Variants in SH3D19 observed in about 807,000 individuals in gnomAD.
SH3D19 encodes the protein SH3 domain containing 19.
Under a neutral mutation model 112.1 loss-of-function variants are expected in SH3D19, and 58 were observed. The ratio of observed to expected loss-of-function variants is 0.52; its 90% CI spans 0.42 to 0.64. The LOEUF (loss-of-function observed/expected upper bound fraction) is 0.64. Ranked by LOEUF, SH3D19 falls within the 30% of genes least tolerant of loss-of-function variation. SH3D19 has a pLI of 0.00. For missense variants in SH3D19, 1,090 were observed against 1,263.4 expected (o/e 0.86, Z 2.08); for synonymous variants, 391 against 448.5 (o/e 0.87, Z 1.62).
chr4:151,135,326 T>C (rs553585827), intron 14 of SH3D19, among the ~76,000 whole-genome samples, 194 bp from the exon 15 acceptor site: 1 of 151,946 alleles, frequency 6.6e-6, no homozygotes, highest in Admixed American at 6.6e-5. Flanking sequence ...GTGTAACTTG[T>C]GAAGTAGCCT....
At chr4:151,283,210 TGC>T in intron 1 of SH3D19, 1 of 1,613,900 alleles carries the variant, frequency 6.2e-7, no homozygotes, top group Non-Finnish European at 8.5e-7. Context: ...GGTATCTTCT[TGC>T]CAGCACTGGA....
intron 9 of SH3D19, among the ~76,000 whole-genome samples, chr4:151,158,337 C>T (rs769873746): frequency 7.2e-5 from 11 of 152,002 alleles, no homozygotes; most frequent in Admixed American, 3.9e-4. Context: ...CTCACTCTGT[C>T]GCCCCAGGCT....
At chr4:151,316,957 A>G (rs1730048220) in intron 1 of SH3D19, among the ~76,000 whole-genome samples, 1 of 151,758 alleles carries the variant, frequency 6.6e-6, no homozygotes, top group Non-Finnish European at 1.5e-5. Flanking sequence ...TTGATAGTAG[A>G]ATTTCCCTCA....
At position 151,160,187 on chromosome 4, in the gene SH3D19, C is replaced by T. The variant is rs192502860; in HGVS notation, c.1643-835G>A. Among the ~76,000 whole-genome samples, 521 of 151,570 alleles carry T rather than the reference C, an allele frequency of 3.4e-3. 5 individuals are homozygous for T. Among genetic ancestry groups the T allele is most frequent in the African/African-American group, 0.012 (487 of 41,276 alleles). On this transcript the variant is annotated intron_variant, in intron 8 of 19. Coordinates refer to ENST00000604030, the MANE Select transcript of SH3D19 (RefSeq NM_001378122.1). The stretch of plus-strand genomic sequence containing the variant: ...CTGTAAGCTCCGCCTCCTGAGTTCA[C>T]GCCATTCTCCTGCCTCAGCTTCCGG...
Position 151,325,331 on chromosome 4 carries a change from C to T in SH3D19, c.22G>A (p.Glu8Lys). 1.6e-6 allele frequency: 2 copies of T among 1,215,970 alleles called. No homozygotes were observed. The highest frequency in any genetic ancestry group is 3.2e-4 in the Middle Eastern group (1 of 3,106). The allele number at this position is 1,215,970 out of a possible 1,614,324, so 75.3% of individuals were successfully genotyped here. A position where few individuals can be genotyped will look rare whatever the true frequency, so the allele number is the denominator to read the frequency against. MAEGRRR[E>K]DEEEELRERR... is the part of the protein sequence containing the mutation. ...TCGCGTAGCTCTTCCTCCTCGTCCT[C>T]CCGCCGCCGGCCCTCAGCCATGGGC... The change falls in exon 1 of 20, where the codon GAG (glutamate) becomes AAG (lysine). Residue 8 changes from glutamate to lysine, a missense_variant. Transcript: ENST00000604030.
chr4:151,130,939 C>CA (rs1750551854), intron 17 of SH3D19, among the ~76,000 whole-genome samples: 3 of 114,628 alleles, frequency 2.6e-5, no homozygotes, highest in African/African-American at 6.7e-5. Flanking sequence ...GACTCCGTCT[C>CA]AAAAAAAAGA....
At chr4:151,277,877 CA>C (rs1228916386) in intron 1 of SH3D19, among the ~76,000 whole-genome samples, 1 of 152,024 alleles carries the variant, frequency 6.6e-6, no homozygotes, top group Non-Finnish European at 1.5e-5. Context: ...CCCATCTCTA[CA>C]AAAAATACAA....
At chr4:151,193,010 T>G (rs370804539) in intron 2 of SH3D19, among the ~76,000 whole-genome samples, 3 of 152,072 alleles carry the variant, frequency 2.0e-5, no homozygotes, top group East Asian at 3.8e-4. Context: ...CTAACTAGAC[T>G]GCAAGCTTCT....
intron 2 of SH3D19, among the ~76,000 whole-genome samples, chr4:151,207,672 T>C (rs1765308606): frequency 6.6e-6 from 1 of 152,176 alleles, no homozygotes; most frequent in Non-Finnish European, 1.5e-5. Flanking sequence ...TATGTAACAA[T>C]AGTGTGCTTC....
In SH3D19 at chr4:151,148,117, G is replaced by T. The variant is rs1754255363; in HGVS notation, c.1887C>A (p.Pro629=). The T allele has an allele frequency of 6.2e-7, 1 of 1,613,908 alleles. No homozygotes were observed. The part of the protein sequence containing the change: ...PTKVPPERPP[P]PKLSATRRSN... The stretch of plus-strand genomic sequence containing the variant: ...ATCTTCTGGTTGCAGAAAGCTTTGG[G>T]GGAGGTGGTCTCTCAGGGGGCACCT... The change falls in exon 11 of 20, where the codon CCC becomes CCA. Residue 629 remains proline (P), a synonymous_variant. Transcript: ENST00000604030.
chr4:151,283,410 T>C lies in SH3D19; in HGVS notation c.112+41831A>G, dbSNP rs1774436043. The C allele has an allele frequency of 5.1e-6, 4 of 786,226 alleles. No individual in the cohort carries two copies. The South Asian group carries it at 5.5e-5, about 11-fold the overall frequency. The allele number at this position is 786,226 out of a possible 1,614,324, so 48.7% of individuals were successfully genotyped here. A position where few individuals can be genotyped will look rare whatever the true frequency, so the allele number is the denominator to read the frequency against. On this transcript the variant is annotated intron_variant, in intron 1 of 19. Coordinates refer to ENST00000604030, the MANE Select transcript of SH3D19 (RefSeq NM_001378122.1). ...ATGAGGGTTCTAAGAATAACTCTTA[T>C]GTTACCCTGGACAAATCACTTAACT...
chr4:151,199,293 T>C (rs1018630368), intron 2 of SH3D19, among the ~76,000 whole-genome samples: 41 of 152,178 alleles, frequency 2.7e-4, no homozygotes, highest in African/African-American at 9.4e-4. Flanking sequence ...TGAGTACAAC[T>C]GTCCCCAAAC....
chr4:151,304,338 G>C (rs577411702), intron 1 of SH3D19, among the ~76,000 whole-genome samples: 2 of 152,218 alleles, frequency 1.3e-5, no homozygotes, highest in East Asian at 3.9e-4. Flanking sequence ...GCTGGATTGT[G>C]GTTAGAATAT....
intron 2 of SH3D19, among the ~76,000 whole-genome samples, chr4:151,198,109 T>C (rs1763745467): frequency 6.6e-6 from 1 of 151,228 alleles, no homozygotes; most frequent in South Asian, 2.1e-4. Context: ...ATCGAGACAA[T>C]CCTGGCTAAC....
At chr4:151,253,955 G>A (rs1771608269) in intron 1 of SH3D19, among the ~76,000 whole-genome samples, 1 of 152,210 alleles carries the variant, frequency 6.6e-6, no homozygotes, top group Non-Finnish European at 1.5e-5. Context: ...GGCTGCTGTA[G>A]CAAGATAACT....
At position 151,127,615 on chromosome 4, in the gene SH3D19, G is replaced by C. The variant is rs1749694097; in HGVS notation, c.3027+3C>G. The C allele has an allele frequency of 6.3e-7, 1 of 1,575,668 alleles. No individual in the cohort carries two copies. The highest frequency in any genetic ancestry group is 8.6e-7 in the Non-Finnish European group (1 of 1,158,210). On this transcript the variant is annotated splice_donor_region_variant and intron_variant, in intron 19 of 19. Coordinates refer to ENST00000604030, the MANE Select transcript of SH3D19 (RefSeq NM_001378122.1). The stretch of plus-strand genomic sequence containing the variant: ...GCAGTTATGAAGAGATACACATTCT[G>C]ACCTTGAAGGAAAGTTCATCTTCAT...
intron 2 of SH3D19, among the ~76,000 whole-genome samples, chr4:151,204,413 G>A (rs1438399902): frequency 6.6e-6 from 1 of 152,134 alleles, no homozygotes; most frequent in Admixed American, 6.5e-5. Context: ...TCTTAATAGG[G>A]TTTACATAGT....
chr4:151,304,689 C>A (rs761791361), intron 1 of SH3D19, among the ~76,000 whole-genome samples: 2 of 152,048 alleles, frequency 1.3e-5, no homozygotes, highest in Admixed American at 1.3e-4. Context: ...GGAAGATAGG[C>A]TAGAGAATGA....
In SH3D19 at chr4:151,144,573, G is replaced by A. The variant is rs192961125; in HGVS notation, c.2083-523C>T. ...AGTTCTGTTCTACAGGACAAGATCC[G>A]CCAAGTCCCCTGGGGGTTTGAAGGA... On this transcript the variant is annotated intron_variant, in intron 11 of 19. Transcript: ENST00000604030. Among the ~76,000 whole-genome samples the A allele has an allele frequency of 3.3e-5, 5 of 152,218 alleles. No homozygotes were observed. The South Asian group carries it at 8.3e-4, about 25-fold the overall frequency.
Sources: gnomAD v4.1 joint callset for allele counts (sites outside exome capture counted in the v4.1 genomes callset) on GRCh38, gnomAD v4.1.1 for gene constraint, MANE v1.5 for transcripts, NCBI Gene and HGNC (gene_info 2026-07-23, HGNC 2026-07-21) for gene names.